Variants in IPO11 observed in about 807,000 individuals in gnomAD.
IPO11 encodes importin-11.
A neutral mutation model predicts 143.2 loss-of-function variants in IPO11; 66 were observed. The ratio of observed to expected loss-of-function variants is 0.46; its 90% CI spans 0.38 to 0.57. IPO11 has a LOEUF of 0.57. Among genes scored for constraint, IPO11 ranks in the 20% least tolerant of loss-of-function variants. The probability of loss-of-function intolerance (pLI) is 0.00; values close to 1 mark genes in which losing one functional copy is unlikely to be tolerated. For synonymous variants in IPO11, 385 were observed against 377.8 expected, an observed-to-expected ratio of 1.02 and a Z score of -0.22; for missense variants, 1,026 against 1,141.0, an observed-to-expected ratio of 0.90 and a Z score of 1.45.
intron 20 of IPO11, among the ~76,000 whole-genome samples, chr5:62,516,158 A>G (rs1162883049): frequency 6.6e-6 from 1 of 152,258 alleles, no homozygotes; most frequent in African/African-American, 2.4e-5. Context: ...CCAGTGGGGA[A>G]GAAATCAGAA....
intron 22 of IPO11, among the ~76,000 whole-genome samples, chr5:62,532,323 T>C (rs1392442280): frequency 3.3e-5 from 5 of 152,044 alleles, no homozygotes; most frequent in Non-Finnish European, 7.4e-5. Flanking sequence ...TGCTCTAGTG[T>C]AGTGGTTTTT....
At chr5:62,536,569 A>T in intron 22 of IPO11, 133 bp from the exon 23 acceptor site, 1 of 978,022 alleles carries the variant, frequency 1.0e-6, no homozygotes, top group Non-Finnish European at 1.4e-6. Context: ...AGATACTGGT[A>T]GTCTTGATAG....
intron 19 of IPO11, 46 bp downstream of exon 19, chr5:62,506,403 T>TGTC (rs760410436): frequency 9.8e-6 from 10 of 1,025,198 alleles, no homozygotes; most frequent in Non-Finnish European, 1.5e-5. Flanking sequence ...GTGGGTAGAA[T>TGTC]AGACGTAGAA....
At chr5:62,613,719 C>T (rs1410712660) in intron 29 of IPO11, among the ~76,000 whole-genome samples, 2 of 152,034 alleles carry the variant, frequency 1.3e-5, no homozygotes, top group Non-Finnish European at 2.9e-5. Context: ...TCCCAAGTCT[C>T]GATTATAAGA....
intron 24 of IPO11, among the ~76,000 whole-genome samples, chr5:62,540,351 T>G (rs1358140508): frequency 6.6e-6 from 1 of 152,210 alleles, no homozygotes. Context: ...ATTCTCCATG[T>G]TAAATTGTAA....
At chr5:62,461,534 A>G (rs953871562) in intron 5 of IPO11, among the ~76,000 whole-genome samples, 2 of 152,248 alleles carry the variant, frequency 1.3e-5, no homozygotes, top group Non-Finnish European at 2.9e-5. Flanking sequence ...GTCGAAAGAT[A>G]GTGCCGTTGC....
intron 29 of IPO11, among the ~76,000 whole-genome samples, chr5:62,617,664 A>G (rs934012404): frequency 5.3e-5 from 8 of 152,058 alleles, no homozygotes; most frequent in Admixed American, 2.0e-4. Context: ...TTTTTAATGT[A>G]AAGAGTTCGC....
At chr5:62,417,321 A>ATTTTTTTTTTTTTT (rs34767317) in intron 1 of IPO11, among the ~76,000 whole-genome samples, 2 of 65,332 alleles carry the variant, frequency 3.1e-5, no homozygotes, top group East Asian at 5.6e-4. Context: ...TTATTGGTTA[A>ATTTTTTTTTTTTTT]TTTTTTTTTT....
intron 27 of IPO11, among the ~76,000 whole-genome samples, chr5:62,576,692 A>T (rs1042476123): frequency 6.6e-6 from 1 of 152,214 alleles, no homozygotes; most frequent in African/African-American, 2.4e-5. Flanking sequence ...CTGAGGGAAG[A>T]GGATCACTTG....
intron 16 of IPO11, among the ~76,000 whole-genome samples, chr5:62,502,239 T>C (rs940863978): frequency 1.3e-5 from 2 of 152,222 alleles, no homozygotes; most frequent in African/African-American, 4.8e-5. Context: ...TCCTGAATTT[T>C]CTGAGGTTTC....
intron 27 of IPO11, among the ~76,000 whole-genome samples, chr5:62,564,963 C>T (rs1255152727): frequency 6.6e-6 from 1 of 152,096 alleles, no homozygotes; most frequent in Non-Finnish European, 1.5e-5. Context: ...AATGGAGTTA[C>T]TAATAGTATC....
chr5:62,460,445 C>T (rs145251339), intron 5 of IPO11, among the ~76,000 whole-genome samples: 25 of 152,232 alleles, frequency 1.6e-4, no homozygotes, highest in African/African-American at 4.3e-4. Context: ...GCATCTATAG[C>T]GAATATTTTT....
intron 26 of IPO11, among the ~76,000 whole-genome samples, chr5:62,557,883 C>T (rs904262577): frequency 6.6e-6 from 1 of 152,218 alleles, no homozygotes; most frequent in East Asian, 1.9e-4. Flanking sequence ...TCTCAGCCCT[C>T]TCTTCTCTGC....
intron 20 of IPO11, among the ~76,000 whole-genome samples, chr5:62,525,523 C>CT (rs535384972): frequency 2.7e-4 from 41 of 152,118 alleles, no homozygotes; most frequent in African/African-American, 9.4e-4. Context: ...AGCTGGGACT[C>CT]TAAGCAGGCA....
chr5:62,435,599 C>G (rs367598336), intron 1 of IPO11, among the ~76,000 whole-genome samples: 1 of 150,876 alleles, frequency 6.6e-6, no homozygotes, highest in African/African-American at 2.4e-5. Flanking sequence ...ATCTGGGCTG[C>G]GCATGGTGGC....
chr5:62,420,843 A>C (rs1743491101), intron 1 of IPO11, among the ~76,000 whole-genome samples: 1 of 152,096 alleles, frequency 6.6e-6, no homozygotes, highest in African/African-American at 2.4e-5. Context: ...CAGCCTTCCA[A>C]AGTGTTGGAT....
chr5:62,448,971 T>C (rs1443173493), intron 3 of IPO11, among the ~76,000 whole-genome samples: 2 of 152,230 alleles, frequency 1.3e-5, no homozygotes, highest in Non-Finnish European at 2.9e-5. Flanking sequence ...TTAATTAATT[T>C]AATTCTGATA....
chr5:62,581,406 A>C, intron 27 of IPO11: 1 of 902,430 alleles, frequency 1.1e-6, no homozygotes, highest in Non-Finnish European at 1.6e-6. Context: ...AAATATAATG[A>C]ATTATATGAG....
intron 27 of IPO11, chr5:62,580,379 G>C: frequency 6.5e-7 from 1 of 1,547,198 alleles, no homozygotes; most frequent in Non-Finnish European, 8.7e-7. Flanking sequence ...AGAATAATTA[G>C]CATTGATAAT....
Sources: allele counts gnomAD v4.1 joint callset (sites outside exome capture counted in the v4.1 genomes callset), GRCh38; gene constraint gnomAD v4.1.1; transcripts MANE v1.5; gene names NCBI Gene and HGNC (gene_info 2026-07-23, HGNC 2026-07-21).